Variants in SCUBE1 observed in about 807,000 individuals in gnomAD.
The protein encoded by SCUBE1 is signal peptide, CUB domain and EGF like domain containing 1.
Under a neutral mutation model 124.4 loss-of-function variants are expected in SCUBE1, and 59 were observed. The observed-to-expected ratio is 0.47, with a 90% CI of 0.38 to 0.59. SCUBE1 has a LOEUF of 0.59. Ranked by LOEUF, SCUBE1 falls within the 20% of genes least tolerant of loss-of-function variation. The pLI is 0.00. For missense variants in SCUBE1, 1,150 were observed against 1,371.2 expected, an observed-to-expected ratio of 0.84 and a Z score of 2.55; for synonymous variants, 545 against 550.9, an observed-to-expected ratio of 0.99 and a Z score of 0.15.
At chr22:43,276,969 T>C (rs2146729323) in intron 4 of SCUBE1, among the ~76,000 whole-genome samples, 1 of 152,240 alleles carries the variant, frequency 6.6e-6, no homozygotes, top group African/African-American at 2.4e-5. Context: ...GGCTGGACAC[T>C]GGGGGGCCAG....
chr22:43,256,090 G>A (rs974465076), intron 6 of SCUBE1, among the ~76,000 whole-genome samples: 1 of 152,102 alleles, frequency 6.6e-6, no homozygotes, highest in Non-Finnish European at 1.5e-5. Context: ...GACGTGAAGG[G>A]GTGTCAACAC....
intron 6 of SCUBE1, among the ~76,000 whole-genome samples, chr22:43,243,712 G>A (rs57727801): frequency 0.033 from 5,031 of 152,294 alleles, 284 homozygotes; most frequent in African/African-American, 0.12. Context: ...GTGTGACCCC[G>A]GGCAAGTCCC....
chr22:43,326,778 C>T lies in SCUBE1; in HGVS notation c.221-6713G>A, dbSNP rs148434296. 2.0e-3 allele frequency among the ~76,000 whole-genome samples: 307 copies of T among 152,196 alleles called. 1 individual carries two copies. Among genetic ancestry groups the T allele is most frequent in the South Asian group, 4.0e-3 (19 of 4,802 alleles). On this transcript the variant is annotated intron_variant, in intron 2 of 21. Transcript: ENST00000360835. ...AGCTGCTCAGTGACCTCTCCCAGTCCGTTATGTGGCTTCAGACCTCCACAC... is the reference window on the plus strand; with the variant it reads ...AGCTGCTCAGTGACCTCTCCCAGTCTGTTATGTGGCTTCAGACCTCCACAC...
chr22:43,294,667 T>TAACCC (rs1925493190), intron 3 of SCUBE1, among the ~76,000 whole-genome samples: 1 of 152,164 alleles, frequency 6.6e-6, no homozygotes, highest in Non-Finnish European at 1.5e-5. Context: ...TGGGAAGTGC[T>TAACCC]CCCAGAGCTT....
chr22:43,235,051 G>C (rs1187916190), intron 7 of SCUBE1, among the ~76,000 whole-genome samples: 2 of 152,214 alleles, frequency 1.3e-5, no homozygotes, highest in Admixed American at 1.3e-4. Context: ...GCCTTTGGGG[G>C]CATGAGAGGG....
intron 14 of SCUBE1, among the ~76,000 whole-genome samples, chr22:43,219,412 C>G (rs899937929): frequency 6.6e-6 from 1 of 152,154 alleles, no homozygotes; most frequent in African/African-American, 2.4e-5. Context: ...AGCCAATAAG[C>G]TCTTTTCCTG....
At chr22:43,262,626 C>T in intron 5 of SCUBE1, 94 bp downstream of exon 5, 1 of 1,510,224 alleles carries the variant, frequency 6.6e-7, no homozygotes, top group Admixed American at 1.8e-5. Context: ...TGGGGACCCT[C>T]CCTGGCCAAA....
At chr22:43,321,190 G>A (rs1172176605) in intron 2 of SCUBE1, among the ~76,000 whole-genome samples, 1 of 152,224 alleles carries the variant, frequency 6.6e-6, no homozygotes, top group East Asian at 1.9e-4. Flanking sequence ...CTCCCCTATA[G>A]TGTAGAAGAG....
At chr22:43,243,052 T>C (rs1043636404) in intron 6 of SCUBE1, among the ~76,000 whole-genome samples, 4 of 152,198 alleles carry the variant, frequency 2.6e-5, no homozygotes, top group Non-Finnish European at 4.4e-5. Flanking sequence ...AGACAGAACA[T>C]GAAACCAATC....
chr22:43,206,154 A>C (rs530259302), intron 21 of SCUBE1, among the ~76,000 whole-genome samples: 926 of 45,348 alleles, frequency 0.02, 27 homozygotes, highest in African/African-American at 0.075. Context: ...TTCACCACAC[A>C]CCCCCCCAAA....
chr22:43,210,780 G>T lies in SCUBE1; in HGVS notation c.2383+142C>A. The T allele has an allele frequency of 3.0e-6, 3 of 1,004,044 alleles. No homozygotes were observed. Among genetic ancestry groups the T allele is most frequent in the Non-Finnish European group, 4.4e-6 (3 of 677,198 alleles). The allele number at this position is 1,004,044 out of a possible 1,614,324, so 62.2% of individuals were successfully genotyped here. A position where few individuals can be genotyped will look rare whatever the true frequency, so the allele number is the denominator to read the frequency against. On this transcript the variant is annotated intron_variant, in intron 18 of 21. Coordinates refer to ENST00000360835, the MANE Select transcript of SCUBE1 (RefSeq NM_173050.5). This position sits in a 1 kb window ranked among gnomAD's most constrained non-coding sequence, Gnocchi z 4.5. ...CCACAGGCCTCCAGATGGATGCAATGCACCCGAGAGCAGACGGGACGGAGC... is the reference window on the plus strand; with the variant it reads ...CCACAGGCCTCCAGATGGATGCAATTCACCCGAGAGCAGACGGGACGGAGC...
chr22:43,298,934 C>G (rs1925665575), intron 3 of SCUBE1, among the ~76,000 whole-genome samples: 1 of 146,750 alleles, frequency 6.8e-6, no homozygotes, highest in African/African-American at 2.8e-5. Context: ...TGCCTGTAGT[C>G]CCAGCTGCTT....
In SCUBE1 at chr22:43,255,689, G is replaced by A. The variant is rs1249664970; in HGVS notation, c.727+2530C>T. On this transcript the variant is annotated intron_variant, in intron 6 of 21. Coordinates refer to ENST00000360835, the MANE Select transcript of SCUBE1 (RefSeq NM_173050.5). The surrounding 1 kb of genome is among the most constrained non-coding windows in gnomAD (Gnocchi z 4.7). ...GGCGCACGCAAAGCCAACACAACAC[G>A]CCGGCCAGCTCGGCATCCTCGCCAA... 2.4e-5 allele frequency: 22 copies of A among 898,982 alleles called. No individual in the cohort carries two copies. Among genetic ancestry groups the A allele is most frequent in the Non-Finnish European group, 3.3e-5 (19 of 569,796 alleles). The allele number at this position is 898,982 out of a possible 1,614,324, so 55.7% of individuals were successfully genotyped here. A position where few individuals can be genotyped will look rare whatever the true frequency, so the allele number is the denominator to read the frequency against.
In SCUBE1 at chr22:43,230,386, G is replaced by A. The variant is rs1038444423; in HGVS notation, c.968-1198C>T. Reference sequence around the variant, plus strand: ...AAAGGAGCATGGACGCTTCCCTGCTGGACCTGTGGAGCCCAGAGCCCCAAG... The same window carrying A: ...AAAGGAGCATGGACGCTTCCCTGCTAGACCTGTGGAGCCCAGAGCCCCAAG... On this transcript the variant is annotated intron_variant, in intron 8 of 21. Coordinates refer to ENST00000360835, the MANE Select transcript of SCUBE1 (RefSeq NM_173050.5). Among the ~76,000 whole-genome samples, 18 of 152,116 alleles carry A rather than the reference G, an allele frequency of 1.2e-4. 2 individuals carry two copies. Among genetic ancestry groups the A allele is most frequent in the Admixed American group, 1.2e-3 (18 of 15,302 alleles).
chr22:43,208,570 G>A (rs117074253), intron 19 of SCUBE1, among the ~76,000 whole-genome samples: 2,699 of 152,212 alleles, frequency 0.018, 35 homozygotes, highest in Non-Finnish European at 0.026. Context: ...ACTGCTCCTC[G>A]GTGACAGGGC....
In SCUBE1 at chr22:43,198,719, G is replaced by A. The variant is rs773245475; in HGVS notation, c.*5278C>T. The A allele has an allele frequency of 4.8e-5, 22 of 456,692 alleles. No homozygotes were observed. The Middle Eastern group carries it at 2.3e-3, about 47-fold the overall frequency. 28.3% of individuals were successfully genotyped at this position (456,692 alleles called of 1,614,324 possible). ...GCATGGACCAGGGGAGGTGAAAATGGCTGGACTCCCTGGGTGAGAAGGAAG... is the reference window on the plus strand; with the variant it reads ...GCATGGACCAGGGGAGGTGAAAATGACTGGACTCCCTGGGTGAGAAGGAAG... On this transcript the variant is annotated 3_prime_UTR_variant, in exon 22 of 22. Coordinates refer to ENST00000360835, the MANE Select transcript of SCUBE1 (RefSeq NM_173050.5).
intron 3 of SCUBE1, among the ~76,000 whole-genome samples, chr22:43,293,361 G>A (rs1925441075): frequency 1.3e-5 from 2 of 152,266 alleles, no homozygotes; most frequent in South Asian, 4.1e-4. Flanking sequence ...AGTAGCTTGA[G>A]TAGAGTGACA....
At chr22:43,270,987 A>G (rs1438917040) in intron 4 of SCUBE1, among the ~76,000 whole-genome samples, 3 of 152,186 alleles carry the variant, frequency 2.0e-5, no homozygotes, top group East Asian at 1.9e-4. Flanking sequence ...GGTGAGGGGC[A>G]GCCTCCCGGC....
At chr22:43,320,170 C>T (rs1926496542) in intron 2 of SCUBE1, 105 bp from the exon 3 acceptor site, 2 of 1,384,696 alleles carry the variant, frequency 1.4e-6, no homozygotes, top group Non-Finnish European at 2.0e-6. Context: ...GATGATTCAA[C>T]AAGTATTCAC....
Sources: allele counts gnomAD v4.1 joint callset (sites outside exome capture counted in the v4.1 genomes callset), GRCh38; gene constraint gnomAD v4.1.1; non-coding constraint Gnocchi (gnomAD v3.1); transcripts MANE v1.5; gene names NCBI Gene and HGNC (gene_info 2026-07-23, HGNC 2026-07-21).